ARSL: variants seen among roughly 807,000 people sequenced by gnomAD.
ARSL encodes the protein arylsulfatase L.
Under a neutral mutation model 31.1 loss-of-function variants are expected in ARSL, and 4 were observed. That is an observed-to-expected ratio of 0.13 (90% confidence interval 0.06 to 0.29). ARSL has a LOEUF of 0.29. ARSL is among the 10% of genes least tolerant of loss of function. The pLI is 1.00. For missense variants in ARSL, 312 were observed against 497.8 expected (o/e 0.63, Z 3.55); for synonymous variants, 198 against 209.9 (o/e 0.94, Z 0.49).
At chrX:2,946,505 A>AT (rs139364080) in intron 6 of ARSL, among the ~76,000 whole-genome samples, 906 of 45,506 alleles carry the variant, frequency 0.02, 68 homozygotes, top group African/African-American at 0.048. Flanking sequence ...GGCCCAGCTA[A>AT]TTTTTTTTTT....
At chrX:2,959,515 A>G in intron 2 of ARSL, 5 of 1,066,448 alleles carry the variant, frequency 4.7e-6, no homozygotes, top group Non-Finnish European at 6.1e-6. Context: ...TAAAGATGTA[A>G]TCTGAGTCTC....
intron 6 of ARSL, among the ~76,000 whole-genome samples, chrX:2,948,691 G>A (rs2089418164): frequency 9.0e-6 from 1 of 111,011 alleles, no homozygotes; most frequent in Admixed American, 9.7e-5. Flanking sequence ...GGGTCTTGCT[G>A]TGTTGTCCAG....
At chrX:2,949,266 G>A in intron 6 of ARSL, 38 bp downstream of exon 6, 1 of 1,204,726 alleles carries the variant, frequency 8.3e-7, no homozygotes, top group Non-Finnish European at 1.1e-6. Context: ...TCATTCCAAA[G>A]CTGAGTGCTT....
chrX:2,955,207 G>A lies in ARSL; in HGVS notation c.307+209C>T, dbSNP rs111473174. On this transcript the variant is annotated intron_variant, in intron 4 of 10. Coordinates refer to ENST00000381134, the MANE Select transcript of ARSL (RefSeq NM_000047.3). ...CAGAATATAAAAGCTGCCTGGGCACGGTGGCTCATGCCTGTAATCCCAGCA... is the reference window on the plus strand; with the variant it reads ...CAGAATATAAAAGCTGCCTGGGCACAGTGGCTCATGCCTGTAATCCCAGCA... Among the ~76,000 whole-genome samples the A allele has an allele frequency of 0.023, 2,628 of 112,437 alleles. 25 individuals carry two copies. Among genetic ancestry groups the A allele is most frequent in the African/African-American group, 0.032 (994 of 30,991 alleles).
At chrX:2,945,854 C>G in intron 7 of ARSL, 144 bp downstream of exon 7, 1 of 776,185 alleles carries the variant, frequency 1.3e-6, no homozygotes, top group Non-Finnish European at 1.9e-6. Context: ...AAGATCTGTG[C>G]TATAATATTT....
Position 2,959,968 on chromosome X carries a change from A to C in ARSL, c.23+410T>G, listed in dbSNP as rs190526982. ...GAAAGAAAGAAAGAAAGAAAGAAAG[A>C]GAAAGAAAGAAAGAAAAGAGGCCGG... On this transcript the variant is annotated intron_variant, in intron 2 of 10. Transcript: ENST00000381134. 5.2e-5 allele frequency: 12 copies of C among 230,105 alleles called. No homozygotes were observed. In the East Asian group the frequency reaches 6.9e-4, roughly 13 times the overall value. 19.0% of individuals were successfully genotyped at this position (230,105 alleles called of 1,213,427 possible).
At position 2,959,941 on chromosome X, in the gene ARSL, GAGAAAGAA is replaced by G. The variant is rs35961426; in HGVS notation, c.23+429_23+436del. 2,139 of 216,260 alleles carry G rather than the reference GAGAAAGAA, an allele frequency of 9.9e-3. 61 individuals are homozygous for G. Among genetic ancestry groups the G allele is most frequent in the African/African-American group, 0.063 (1,922 of 30,531 alleles). The allele number at this position is 216,260 out of a possible 1,213,427, so 17.8% of individuals were successfully genotyped here. On this transcript the variant is annotated intron_variant, in intron 2 of 10. Coordinates refer to ENST00000381134, the MANE Select transcript of ARSL (RefSeq NM_000047.3). ...AAGGGAAGGAAGGAAGAAAGAGAGA[GAGAAAGAA>G]AGAAAGAAAGAAAGAAAGAGAAAGA...
intron 3 of ARSL, among the ~76,000 whole-genome samples, chrX:2,956,256 T>G (rs1475480526): frequency 1.8e-5 from 2 of 111,580 alleles, no homozygotes; most frequent in African/African-American, 6.5e-5. Context: ...ACGGACTAGC[T>G]CTAGCTCTTG....
At position 2,948,739 on chromosome X, in the gene ARSL, C is replaced by T. The variant is rs150334387; in HGVS notation, c.854+565G>A. Among the ~76,000 whole-genome samples the T allele has an allele frequency of 5.7e-3, 634 of 111,041 alleles. 6 individuals are homozygous for T. Among genetic ancestry groups the T allele is most frequent in the African/African-American group, 0.02 (597 of 30,555 alleles). ...CTCCTGGCCTCAAATTATCCTCTTGCCTCAGTCTCCCGAGTAGCTGGGATA... is the reference window on the plus strand; with the variant it reads ...CTCCTGGCCTCAAATTATCCTCTTGTCTCAGTCTCCCGAGTAGCTGGGATA... On this transcript the variant is annotated intron_variant, in intron 6 of 10. Coordinates refer to ENST00000381134, the MANE Select transcript of ARSL (RefSeq NM_000047.3).
At chrX:2,943,553 C>G (rs1254889173) in intron 7 of ARSL, among the ~76,000 whole-genome samples, 1 of 108,029 alleles carries the variant, frequency 9.3e-6, no homozygotes, top group African/African-American at 3.4e-5. Context: ...ACCAGCCTGG[C>G]CAACATGATG....
At chrX:2,938,346 T>G in intron 8 of ARSL, 89 bp from the exon 9 acceptor site, 1 of 1,112,783 alleles carries the variant, frequency 9.0e-7, no homozygotes, top group Non-Finnish European at 1.2e-6. Flanking sequence ...TTGTTTCACT[T>G]GTTTGAAGTT....
At chrX:2,942,921 T>C in intron 8 of ARSL, 144 bp downstream of exon 8, 1 of 861,621 alleles carries the variant, frequency 1.2e-6, no homozygotes, top group South Asian at 2.2e-5. Flanking sequence ...CTGGAGTATG[T>C]CAAATTACCA....
chrX:2,936,345 A>G (rs1165317013), intron 10 of ARSL, among the ~76,000 whole-genome samples: 3 of 111,485 alleles, frequency 2.7e-5, no homozygotes, highest in Non-Finnish European at 5.6e-5. Context: ...AAAAGAGACT[A>G]GAAAAGTCTT....
chrX:2,949,439 C>T lies in ARSL; in HGVS notation c.719G>A (p.Ser240Asn). The T allele has an allele frequency of 8.3e-7, 1 of 1,211,245 alleles. No individual in the cohort carries two copies. The highest frequency in any genetic ancestry group is 1.1e-6 in the Non-Finnish European group (1 of 895,458). Reference protein sequence around the residue: ...SALSAVLLLASSYFVGALIVH... With the variant: ...SALSAVLLLANSYFVGALIVH... Reference sequence around the variant, plus strand: ...AATCAGAGCACCCACAAAATAGGAGCTTGCGAGGAGGAGGACGGCCGAAAG... The same window carrying T: ...AATCAGAGCACCCACAAAATAGGAGTTTGCGAGGAGGAGGACGGCCGAAAG... The change falls in exon 6 of 11, where the codon AGC (serine) becomes AAC (asparagine). Residue 240 changes from serine to asparagine, a missense_variant. By Grantham distance (46) the Ser-to-Asn change is conservative (BLOSUM62 1). Coordinates refer to ENST00000381134, the MANE Select transcript of ARSL (RefSeq NM_000047.3).
Position 2,955,410 on chromosome X carries a change from A to T in ARSL, c.307+6T>A, listed in dbSNP as rs1433183389. The T allele has an allele frequency of 8.3e-7, 1 of 1,211,884 alleles. No homozygotes were observed. The highest frequency in any genetic ancestry group is 3.0e-5 in the East Asian group (1 of 33,858). ...CACCCTAGTGCAGTTGTAAAGAGAG[A>T]CTGACCTGATCGCACAGGGTATCTG... On this transcript the variant is annotated splice_donor_region_variant and intron_variant, in intron 4 of 10. Coordinates refer to ENST00000381134, the MANE Select transcript of ARSL (RefSeq NM_000047.3).
At chrX:2,959,462 T>C in intron 2 of ARSL, 1 of 796,809 alleles carries the variant, frequency 1.3e-6, no homozygotes, top group Non-Finnish European at 1.7e-6. Context: ...GGAATGCACA[T>C]GGACAGCAGG....
intron 5 of ARSL, among the ~76,000 whole-genome samples, chrX:2,951,149 C>T (rs191354028): frequency 3.5e-4 from 39 of 111,706 alleles, no homozygotes; most frequent in African/African-American, 1.2e-3. Context: ...ATCTCTGGGA[C>T]CATTATTTAG....
intron 5 of ARSL, chrX:2,952,736 GAACAAAGA>G: frequency 7.6e-6 from 1 of 132,151 alleles, no homozygotes; most frequent in Non-Finnish European, 1.5e-5. Flanking sequence ...GGATCCCACA[GAACAAAGA>G]AGCAATTATG....
intron 7 of ARSL, among the ~76,000 whole-genome samples, chrX:2,943,823 C>CTAAACCCTGCGGTTCCTA (rs2089318605): frequency 9.5e-6 from 1 of 104,941 alleles, no homozygotes; most frequent in Non-Finnish European, 1.9e-5. Flanking sequence ...AAATGCAGAC[C>CTAAACCCTGCGGTTCCTA]AGTCCTCAAA....
Sources: gnomAD v4.1 joint callset for allele counts (sites outside exome capture counted in the v4.1 genomes callset) on GRCh38, gnomAD v4.1.1 for gene constraint, MANE v1.5 for transcripts, NCBI Gene and HGNC (gene_info 2026-07-23, HGNC 2026-07-21) for gene names.